The following ROBO1 variants were observed in gnomAD, a reference collection of about 807,000 sequenced individuals.
ROBO1 encodes roundabout guidance receptor 1.
ROBO1 carries 149 observed loss-of-function variants against 195.9 expected under a neutral mutation model. That is an observed-to-expected ratio of 0.76 (90% CI 0.67 to 0.87). The LOEUF (loss-of-function observed/expected upper bound fraction) is 0.87. ROBO1 is among the 40% of genes least tolerant of loss of function. ROBO1 has a pLI of 0.00. For synonymous variants in ROBO1, 816 were observed against 733.2 expected (o/e 1.11, Z -1.82); for missense variants, 1,933 against 2,068.3 (o/e 0.93, Z 1.27).
intron 2 of ROBO1, among the ~76,000 whole-genome samples, chr3:79,159,454 G>C (rs1384626453): frequency 1.3e-5 from 2 of 151,810 alleles, no homozygotes; most frequent in Non-Finnish European, 2.9e-5. Context: ...AGGAACTTGG[G>C]CATCAAAGGC....
At chr3:79,262,193 G>A (rs927653794) in intron 2 of ROBO1, among the ~76,000 whole-genome samples, 15 of 151,972 alleles carry the variant, frequency 9.9e-5, no homozygotes, top group African/African-American at 3.6e-4. Context: ...CAAATAGTAC[G>A]ACTTTTGAAG....
intron 1 of ROBO1, among the ~76,000 whole-genome samples, chr3:79,766,080 C>T (rs1704969747): frequency 6.9e-6 from 1 of 144,306 alleles, no homozygotes; most frequent in African/African-American, 2.7e-5. Flanking sequence ...AGCCTCCTGC[C>T]CTGCCCTTTC....
intron 1 of ROBO1, among the ~76,000 whole-genome samples, chr3:79,627,811 G>T (rs1945223277): frequency 6.6e-6 from 1 of 151,750 alleles, no homozygotes; most frequent in Non-Finnish European, 1.5e-5. Flanking sequence ...CCAGAAAAAA[G>T]CAACCCCATC....
intron 26 of ROBO1, among the ~76,000 whole-genome samples, chr3:78,622,057 A>G (rs1704490923): frequency 6.6e-6 from 1 of 152,138 alleles, no homozygotes; most frequent in Admixed American, 6.5e-5. Flanking sequence ...TACTGCAATA[A>G]AGTTAAGCAT....
At chr3:79,062,664 A>C (rs2078940201) in intron 3 of ROBO1, among the ~76,000 whole-genome samples, 1 of 152,206 alleles carries the variant, frequency 6.6e-6, no homozygotes, top group East Asian at 1.9e-4. Flanking sequence ...AATACTATGC[A>C]GCCATAAAAA....
chr3:79,579,250 T>C (rs1055073368), intron 2 of ROBO1, among the ~76,000 whole-genome samples: 5 of 152,176 alleles, frequency 3.3e-5, no homozygotes, highest in Admixed American at 1.3e-4. Context: ...TCCAGTATAA[T>C]TGAAAATTGT....
chr3:79,209,762 CATG>C (rs968506490), intron 2 of ROBO1, among the ~76,000 whole-genome samples: 2 of 151,954 alleles, frequency 1.3e-5, no homozygotes, highest in Non-Finnish European at 2.9e-5. Flanking sequence ...GCTGTTTGCC[CATG>C]ATATGATTAT....
intron 2 of ROBO1, among the ~76,000 whole-genome samples, chr3:79,404,759 G>A (rs1031190272): frequency 4.0e-5 from 6 of 151,884 alleles, no homozygotes; most frequent in Non-Finnish European, 7.4e-5. Context: ...TGTCTATAAA[G>A]CATATACTTA....
At chr3:78,880,057 C>A (rs891058711) in intron 4 of ROBO1, among the ~76,000 whole-genome samples, 1 of 152,032 alleles carries the variant, frequency 6.6e-6, no homozygotes, top group Admixed American at 6.6e-5. Context: ...CCTATTAAAG[C>A]ACCATGGTAA....
chr3:79,397,238 A>C (rs1490915379), intron 2 of ROBO1, among the ~76,000 whole-genome samples: 2 of 150,542 alleles, frequency 1.3e-5, no homozygotes, highest in South Asian at 2.1e-4. Context: ...ACACTTAATA[A>C]TCATATATAT....
At chr3:78,992,229 A>G (rs1449579242) in intron 3 of ROBO1, among the ~76,000 whole-genome samples, 1 of 152,162 alleles carries the variant, frequency 6.6e-6, no homozygotes, top group Admixed American at 6.6e-5. Context: ...AACATGTTTC[A>G]GGTGAAAGTG....
chr3:79,067,731 A>AACTT (rs1464354339), intron 3 of ROBO1, among the ~76,000 whole-genome samples: 2 of 152,030 alleles, frequency 1.3e-5, no homozygotes, highest in African/African-American at 4.8e-5. Context: ...ATTAAACTAA[A>AACTT]ACTTAGCAGC....
At chr3:79,324,934 G>A (rs1160543446) in intron 2 of ROBO1, among the ~76,000 whole-genome samples, 3 of 152,168 alleles carry the variant, frequency 2.0e-5, no homozygotes, top group Non-Finnish European at 2.9e-5. Context: ...TATAGTCTTC[G>A]AGTTGAGAGT....
chr3:78,849,831 T>C (rs920356547), intron 4 of ROBO1, among the ~76,000 whole-genome samples: 1 of 79,624 alleles, frequency 1.3e-5, no homozygotes, highest in African/African-American at 3.5e-5. Flanking sequence ...TCTCTCCCAT[T>C]ACACACACAC....
intron 4 of ROBO1, among the ~76,000 whole-genome samples, chr3:78,930,785 G>C (rs936206760): frequency 6.6e-6 from 1 of 152,068 alleles, no homozygotes; most frequent in African/African-American, 2.4e-5. Context: ...TACTAGAATA[G>C]CCTCCTAATT....
At chr3:78,918,096 A>C (rs1204231185) in intron 4 of ROBO1, among the ~76,000 whole-genome samples, 1 of 152,246 alleles carries the variant, frequency 6.6e-6, no homozygotes, top group East Asian at 1.9e-4. Flanking sequence ...GTTAAACATG[A>C]AAACATTAGA....
rs1284291973 is a variant in ROBO1 at position 78,987,173 on chromosome 3, A to G, written c.173-48246T>C. Reference sequence around the variant, plus strand: ...CATAAACACAGGGTGAGGTGATGGAAAGGAAAGAGTAACACGTTTTAAAAA... The same window carrying G: ...CATAAACACAGGGTGAGGTGATGGAGAGGAAAGAGTAACACGTTTTAAAAA... On this transcript the variant is annotated intron_variant, in intron 3 of 30. Coordinates refer to ENST00000464233, the MANE Select transcript of ROBO1 (RefSeq NM_002941.4). Among the ~76,000 whole-genome samples, 5 of 151,646 alleles carry G rather than the reference A, an allele frequency of 3.3e-5. No individual in the cohort carries two copies. In the East Asian group the frequency reaches 7.7e-4, roughly 23 times the overall value.
intron 2 of ROBO1, among the ~76,000 whole-genome samples, chr3:79,493,645 T>G (rs957152325): frequency 2.6e-5 from 4 of 152,026 alleles, no homozygotes; most frequent in African/African-American, 9.7e-5. Context: ...GATAAATAAT[T>G]TAAAAAATCA....
chr3:79,049,600 A>G (rs2078658018), intron 3 of ROBO1, among the ~76,000 whole-genome samples: 1 of 152,170 alleles, frequency 6.6e-6, no homozygotes, highest in African/African-American at 2.4e-5. Flanking sequence ...TAATTGTCAG[A>G]TTCACCAAGG....
Sources: gnomAD v4.1 joint callset for allele counts (sites outside exome capture counted in the v4.1 genomes callset) on GRCh38, gnomAD v4.1.1 for gene constraint, MANE v1.5 for transcripts, NCBI Gene and HGNC (gene_info 2026-07-23, HGNC 2026-07-21) for gene names.